Variants in TULP4 observed in about 807,000 individuals in gnomAD.
TULP4 encodes the protein tubby-related protein 4.
TULP4 carries 16 observed loss-of-function variants against 129.0 expected under a neutral mutation model. The observed-to-expected ratio is 0.12, with a 90% CI of 0.08 to 0.19. TULP4 has a LOEUF of 0.19. Among genes scored for constraint, TULP4 ranks in the 10% least tolerant of loss-of-function variants. The pLI is 1.00. For missense variants in TULP4, 1,842 were observed against 2,059.1 expected, an observed-to-expected ratio of 0.89 and a Z score of 2.04; for synonymous variants, 998 against 854.0, an observed-to-expected ratio of 1.17 and a Z score of -2.94.
At chr6:158,258,691 T>C (rs1167619952) in intron 1 of TULP4, among the ~76,000 whole-genome samples, 1 of 152,138 alleles carries the variant, frequency 6.6e-6, no homozygotes, top group Non-Finnish European at 1.5e-5. Context: ...AATAAAAAAC[T>C]AAATTAAAAC....
rs114299068 is a variant in TULP4, at chr6:158,442,592, T to G, written c.544-6404T>G. 5.3e-3 allele frequency among the ~76,000 whole-genome samples: 813 copies of G among 152,276 alleles called. 10 individuals are homozygous for G. Among genetic ancestry groups the G allele is most frequent in the African/African-American group, 0.019 (773 of 41,546 alleles). On this transcript the variant is annotated intron_variant, in intron 3 of 13. Coordinates refer to ENST00000367097, the MANE Select transcript of TULP4 (RefSeq NM_020245.5). ...GCCACCCTGGGCAGTTATGCCTTAC[T>G]TCAAAGAGCCGATATAGGGCTATAT...
At chr6:158,417,092 A>G (rs1052856888) in intron 2 of TULP4, among the ~76,000 whole-genome samples, 3 of 152,142 alleles carry the variant, frequency 2.0e-5, no homozygotes, top group Non-Finnish European at 2.9e-5. Context: ...ATGTATCCCC[A>G]TTGTTAATCG....
At chr6:158,338,492 T>C (rs1297733888) in intron 1 of TULP4, among the ~76,000 whole-genome samples, 1 of 152,216 alleles carries the variant, frequency 6.6e-6, no homozygotes, top group Non-Finnish European at 1.5e-5. Flanking sequence ...ACCTGCCAGC[T>C]CATTCTGGGC....
upstream of TULP4, among the ~76,000 whole-genome samples, chr6:158,281,738 G>GTT (rs1287369475): frequency 7.2e-5 from 11 of 152,154 alleles, no homozygotes; most frequent in Admixed American, 7.2e-4. Flanking sequence ...CTTTTACTGA[G>GTT]TTACCCATTA....
chr6:158,304,382 T>C (rs1779178041), intron 1 of TULP4, among the ~76,000 whole-genome samples: 1 of 152,192 alleles, frequency 6.6e-6, no homozygotes, highest in Non-Finnish European at 1.5e-5. Flanking sequence ...GGTTTTGTAC[T>C]GATATACAGG....
chr6:158,301,895 T>C (rs961096363), intron 1 of TULP4, among the ~76,000 whole-genome samples: 1 of 152,052 alleles, frequency 6.6e-6, no homozygotes, highest in African/African-American at 2.4e-5. Flanking sequence ...ATTAATGTTA[T>C]CTAAAAGTTT....
chr6:158,390,361 A>G (rs928999091), intron 1 of TULP4, among the ~76,000 whole-genome samples: 1 of 152,038 alleles, frequency 6.6e-6, no homozygotes, highest in Non-Finnish European at 1.5e-5. Flanking sequence ...CTTTCTTTGC[A>G]GATCTTAAAA....
At chr6:158,446,723 G>A (rs902557222) in intron 3 of TULP4, among the ~76,000 whole-genome samples, 1 of 152,154 alleles carries the variant, frequency 6.6e-6, no homozygotes, top group African/African-American at 2.4e-5. Context: ...AGGCTGGCCA[G>A]CCTCAGATCA....
chr6:158,341,166 G>A (rs1231931053), intron 1 of TULP4, among the ~76,000 whole-genome samples: 2 of 151,882 alleles, frequency 1.3e-5, no homozygotes, highest in African/African-American at 2.4e-5. Context: ...TAGCTCCTAC[G>A]TATGAGTGAA....
Position 158,502,707 on chromosome 6 carries a change from C to T in TULP4, c.3044C>T (p.Ser1015Phe), listed in dbSNP as rs765928279. ...PRAPLQPLAK[S>F]KGGPGGVVTQ... is the part of the protein sequence containing the mutation. ...GCCCCCCTGCAGCCCCTGGCCAAGT[C>T]CAAGGGCGGGCCCGGGGGGGTGGTG... The change falls in exon 13 of 14, where the codon TCC (serine) becomes TTC (phenylalanine). Residue 1015 changes from serine (S) to phenylalanine (F), a missense_variant. This residue lies in a region of TULP4 where 1,089 missense variants were observed against 987.1 expected (regional missense o/e 1.10). Coordinates refer to ENST00000367097, the MANE Select transcript of TULP4 (RefSeq NM_020245.5). The T allele has an allele frequency of 1.7e-5, 27 of 1,561,102 alleles. No individual in the cohort carries two copies. Among genetic ancestry groups the T allele is most frequent in the Non-Finnish European group, 2.3e-5 (27 of 1,158,672 alleles).
At chr6:158,266,444 A>G (rs923273978) in intron 1 of TULP4, among the ~76,000 whole-genome samples, 1 of 152,028 alleles carries the variant, frequency 6.6e-6, no homozygotes, top group Non-Finnish European at 1.5e-5. Flanking sequence ...TTTTGTAGAG[A>G]CATGGTTTCA....
chr6:158,502,455 A>G lies in TULP4; in HGVS notation c.2792A>G (p.Glu931Gly). 1 of 1,613,096 alleles carries G rather than the reference A, an allele frequency of 6.2e-7. No homozygotes were observed. Among genetic ancestry groups the G allele is most frequent in the Non-Finnish European group, 8.5e-7 (1 of 1,179,740 alleles). Residue 931 changes from glutamate (E) to glycine (G), a missense_variant, in exon 13 of 14, where the codon GAG (glutamate) becomes GGG (glycine). Physicochemically the swap from Glu to Gly is moderately conservative, Grantham distance 98 (BLOSUM62 -2). This residue lies in a region of TULP4 where 1,089 missense variants were observed against 987.1 expected (regional missense o/e 1.10). Transcript: ENST00000367097. ...SSATLRLTAT[E>G]KKVPQPCSSA... ...GCCACCTTGAGGCTCACGGCCACTG[A>G]GAAGAAGGTCCCTCAGCCCTGCAGC... is the stretch of plus-strand genomic sequence containing the variant.
chr6:158,319,981 C>T (rs1318859292), intron 1 of TULP4, among the ~76,000 whole-genome samples: 4 of 152,130 alleles, frequency 2.6e-5, no homozygotes, highest in African/African-American at 9.7e-5. Context: ...AAAAAAGAAC[C>T]ACTACCACAA....
intron 1 of TULP4, among the ~76,000 whole-genome samples, chr6:158,329,649 C>T (rs1478731698): frequency 6.6e-6 from 1 of 151,998 alleles, no homozygotes; most frequent in African/African-American, 2.4e-5. Context: ...CATCTATTGT[C>T]TCTCCATTCA....
At chr6:158,317,263 C>T (rs1779512608) in intron 1 of TULP4, among the ~76,000 whole-genome samples, 2 of 151,962 alleles carry the variant, frequency 1.3e-5, no homozygotes, top group African/African-American at 2.4e-5. Context: ...GTTTGCTGCA[C>T]CCATTAACTC....
chr6:158,388,487 G>A (rs1476097869), intron 1 of TULP4, among the ~76,000 whole-genome samples: 1 of 151,130 alleles, frequency 6.6e-6, no homozygotes, highest in Admixed American at 6.6e-5. Context: ...CCATCACAAC[G>A]CCCGGCTAAT....
In TULP4 at chr6:158,507,333, A is replaced by AT. The variant is rs1427341988; in HGVS notation, c.*639_*640insT. On this transcript the variant is annotated 3_prime_UTR_variant, in exon 14 of 14. Coordinates refer to ENST00000367097, the MANE Select transcript of TULP4 (RefSeq NM_020245.5). ...GCTCACTGAGGATGTTGGGGAAGGG[A>AT]CGAAGGGTAAAGAAGAAACTGCACG... 6.5e-6 allele frequency: 1 copy of AT among 153,898 alleles called. No homozygotes were observed. Among genetic ancestry groups the AT allele is most frequent in the Non-Finnish European group, 1.4e-5 (1 of 69,220 alleles). The allele number at this position is 153,898 out of a possible 1,614,324, so 9.5% of individuals were successfully genotyped here.
intron 1 of TULP4, among the ~76,000 whole-genome samples, chr6:158,240,659 A>C (rs1300287482): frequency 6.9e-5 from 5 of 72,630 alleles, no homozygotes; most frequent in Admixed American, 1.8e-4. Context: ...TGACCCCCCC[A>C]CCTCCCTCCC....
At chr6:158,464,203 G>C (rs968489164) in intron 6 of TULP4, among the ~76,000 whole-genome samples, 7 of 152,176 alleles carry the variant, frequency 4.6e-5, no homozygotes, top group African/African-American at 1.7e-4. Flanking sequence ...TAGGTAGTCA[G>C]GTCACAGCTT....
Sources: gnomAD v4.1 joint callset for allele counts (sites outside exome capture counted in the v4.1 genomes callset) on GRCh38, gnomAD v4.1.1 for gene constraint, gnomAD v4.1.1 regional missense constraint, MANE v1.5 for transcripts, NCBI Gene and HGNC (gene_info 2026-07-23, HGNC 2026-07-21) for gene names.